RTEL1: variants seen among roughly 807,000 people sequenced by gnomAD.
RTEL1 encodes the protein regulator of telomere elongation helicase 1.
In RTEL1, 86 loss-of-function variants were observed where a neutral mutation model predicts 162.2. The observed-to-expected ratio is 0.53, with a 90% confidence interval of 0.45 to 0.63. RTEL1 has a LOEUF of 0.63. RTEL1 is among the 30% of genes least tolerant of loss of function. RTEL1 has a pLI of 0.00. For missense variants in RTEL1, 1,941 were observed against 1,750.2 expected, an observed-to-expected ratio of 1.11 and a Z score of -1.95; for synonymous variants, 958 against 717.9, an observed-to-expected ratio of 1.33 and a Z score of -5.35.
intron 31 of RTEL1, 89 bp downstream of exon 31, chr20:63,694,577 G>C: frequency 7.8e-7 from 1 of 1,275,686 alleles, no homozygotes; most frequent in Non-Finnish European, 1.1e-6. Flanking sequence ...GGCCGGGGCT[G>C]CCCCTGTGGG....
intron 30 of RTEL1, 122 bp downstream of exon 30, chr20:63,693,405 A>T: frequency 8.6e-7 from 1 of 1,162,386 alleles, no homozygotes; most frequent in Admixed American, 2.2e-5. Flanking sequence ...CTGTTCCCCT[A>T]TGGGAGTGAT....
At chr20:63,677,203 T>C (rs1569094025) in intron 10 of RTEL1, among the ~76,000 whole-genome samples, 1 of 152,238 alleles carries the variant, frequency 6.6e-6, no homozygotes, top group Non-Finnish European at 1.5e-5. Flanking sequence ...CAAGACGGTA[T>C]TTCAAGACCC....
Position 63,695,931 on chromosome 20 carries a change from C to T in RTEL1, c.*73C>T. The T allele has an allele frequency of 1.4e-6, 2 of 1,447,616 alleles. No homozygotes were observed. The highest frequency in any genetic ancestry group is 1.9e-6 in the Non-Finnish European group (2 of 1,064,910). 89.7% of individuals were successfully genotyped at this position (1,447,616 alleles called of 1,614,324 possible). A position where few individuals can be genotyped will look rare whatever the true frequency, so the allele number is the denominator to read the frequency against. ...CTGTCCAGCTCTGGTGGGCCAAGAA[C>T]CCACCCAACAGAATAGGCCAGCCCA... On this transcript the variant is annotated 3_prime_UTR_variant, in exon 35 of 35. Transcript: ENST00000360203.
At chr20:63,679,113 G>A (rs916881838) in intron 12 of RTEL1, among the ~76,000 whole-genome samples, 9 of 152,172 alleles carry the variant, frequency 5.9e-5, no homozygotes, top group African/African-American at 1.7e-4. Context: ...TGAACGCTCC[G>A]TGGGGCTCCA....
intron 6 of RTEL1, 181 bp downstream of exon 6, chr20:63,663,070 C>T (rs1293675313): frequency 1.5e-6 from 1 of 649,590 alleles, no homozygotes; most frequent in Non-Finnish European, 2.8e-6. Context: ...GAAGAGCTCA[C>T]ACAGTGGTCT....
chr20:63,695,030 G>A (rs769446756), intron 32 of RTEL1, 36 bp from the exon 33 acceptor site: 1 of 1,609,890 alleles, frequency 6.2e-7, no homozygotes, highest in Non-Finnish European at 8.5e-7. Context: ...GGGACAAAAT[G>A]GGGGCTGTGC....
chr20:63,673,749 G>A (rs993932321), intron 9 of RTEL1, among the ~76,000 whole-genome samples, 191 bp from the exon 10 acceptor site: 5 of 152,124 alleles, frequency 3.3e-5, no homozygotes, highest in South Asian at 2.1e-4. Context: ...TGAAACAATC[G>A]TTTCTAAATA....
At chr20:63,667,590 T>C in intron 8 of RTEL1, 37 bp downstream of exon 8, 2 of 1,497,098 alleles carry the variant, frequency 1.3e-6, no homozygotes, top group Non-Finnish European at 1.9e-6. Context: ...ACTCCTGATG[T>C]CCAGGGGTGT....
intron 21 of RTEL1, 59 bp downstream of exon 21, chr20:63,688,664 C>G: frequency 6.7e-7 from 1 of 1,497,148 alleles, no homozygotes; most frequent in Non-Finnish European, 9.1e-7. Context: ...CTGCCTCTCA[C>G]AGCTTCCCCA....
intron 6 of RTEL1, among the ~76,000 whole-genome samples, chr20:63,663,866 C>T (rs59270046): frequency 0.025 from 3,883 of 152,292 alleles, 179 homozygotes; most frequent in African/African-American, 0.09. Flanking sequence ...TAGGGCGGCG[C>T]TCCCCTGGCA....
rs779810410 is a variant in RTEL1, at chr20:63,692,826, C to G, written c.2674C>G (p.Gln892Glu). The G allele has an allele frequency of 3.7e-6, 6 of 1,612,230 alleles. No homozygotes were observed. The South Asian group carries it at 6.6e-5, about 18-fold the overall frequency. The change falls in exon 29 of 35, where the codon CAG becomes GAG. Residue 892 changes from glutamine (Q) to glutamate (E), a missense_variant. Physicochemically the swap from Gln to Glu is conservative, Grantham distance 29. Transcript: ENST00000360203. ...GCAGGAGGAGCCCGTGGCTGGTGCA[C>G]AGACGGACAGGGCCAAGCTCTTCAT... Reference protein sequence around the residue: ...SHPEEPVAGAQTDRAKLFMVA... With the variant: ...SHPEEPVAGAETDRAKLFMVA...
chr20:63,666,882 C>T (rs376062267), intron 7 of RTEL1, among the ~76,000 whole-genome samples: 12 of 146,094 alleles, frequency 8.2e-5, no homozygotes, highest in Admixed American at 3.5e-4. Context: ...CTCTGTCGCC[C>T]AGGCTGGAGT....
chr20:63,667,271 C>T (rs953691099), intron 7 of RTEL1, among the ~76,000 whole-genome samples, 198 bp from the exon 8 acceptor site: 1 of 151,728 alleles, frequency 6.6e-6, no homozygotes, highest in African/African-American at 2.4e-5. Flanking sequence ...ACTCCCCATC[C>T]CTTGGTCGGA....
Position 63,694,767 on chromosome 20 carries a change from G to C in RTEL1, c.3136G>C (p.Gly1046Arg), listed in dbSNP as rs2090928607. 1.2e-6 allele frequency: 2 copies of C among 1,608,332 alleles called. No homozygotes were observed. The highest frequency in any genetic ancestry group is 4.5e-5 in the East Asian group (2 of 44,744). The change falls in exon 32 of 35, where the codon GGG becomes CGG. Residue 1046 changes from glycine (G) to arginine (R), a missense_variant. Transcript: ENST00000360203. Reference sequence around the variant, plus strand: ...AGACCCTGGCAGCCAACCACAGTGGGGGTCTGGAGTGCCCAGAGCAGGGAA... The same window carrying C: ...AGACCCTGGCAGCCAACCACAGTGGCGGTCTGGAGTGCCCAGAGCAGGGAA... Reference protein sequence around the residue: ...TGDPGSQPQWGSGVPRAGKQG... With the variant: ...TGDPGSQPQWRSGVPRAGKQG...
intron 10 of RTEL1, among the ~76,000 whole-genome samples, chr20:63,676,990 A>G (rs1316052664): frequency 6.6e-6 from 1 of 152,158 alleles, no homozygotes; most frequent in Non-Finnish European, 1.5e-5. Flanking sequence ...GAACGTGGGG[A>G]TTGGTCCTGC....
intron 26 of RTEL1, 45 bp downstream of exon 26, chr20:63,690,486 C>CGG: frequency 3.3e-5 from 16 of 491,008 alleles, no homozygotes; most frequent in East Asian, 1.0e-4. Flanking sequence ...GGTGGCGGAG[C>CGG]GGGCGGCGTG....
intron 10 of RTEL1, among the ~76,000 whole-genome samples, chr20:63,675,936 G>A (rs1280854287): frequency 6.6e-6 from 1 of 152,202 alleles, no homozygotes; most frequent in African/African-American, 2.4e-5. Flanking sequence ...CATCACCACG[G>A]GGCCTTCTCC....
chr20:63,662,318 G>T, intron 4 of RTEL1: 2 of 786,364 alleles, frequency 2.5e-6, no homozygotes, highest in East Asian at 5.4e-5. Flanking sequence ...TCGGGTTCCT[G>T]TGGCCGGACC....
chr20:63,685,761 C>A (rs2090578597), intron 15 of RTEL1, 30 bp from the exon 16 acceptor site: 1 of 1,606,476 alleles, frequency 6.2e-7, no homozygotes, highest in Non-Finnish European at 8.5e-7. Flanking sequence ...ATGGGCGGGG[C>A]CTCCACACTC....
Sources: gnomAD v4.1 joint callset for allele counts (sites outside exome capture counted in the v4.1 genomes callset) on GRCh38, gnomAD v4.1.1 for gene constraint, MANE v1.5 for transcripts, NCBI Gene and HGNC (gene_info 2026-07-23, HGNC 2026-07-21) for gene names.